Variants in SUCLA2 observed in about 807,000 individuals in gnomAD.
The protein encoded by SUCLA2 is succinate--CoA ligase [ADP-forming] subunit beta, mitochondrial.
A neutral mutation model predicts 54.8 loss-of-function variants in SUCLA2; 30 were observed. The observed-to-expected ratio is 0.55, with a 90% CI of 0.41 to 0.74. The LOEUF is 0.74. Among genes scored for constraint, SUCLA2 ranks in the 30% least tolerant of loss-of-function variants. The pLI, the probability that SUCLA2 is intolerant of heterozygous loss-of-function variation, is 0.00. For missense variants in SUCLA2, 476 were observed against 562.9 expected (o/e 0.85, Z 1.56); for synonymous variants, 172 against 188.9 (o/e 0.91, Z 0.74).
intron 10 of SUCLA2, among the ~76,000 whole-genome samples, chr13:47,943,951 A>C (rs915455127): frequency 6.6e-6 from 1 of 152,020 alleles, no homozygotes; most frequent in Non-Finnish European, 1.5e-5. Flanking sequence ...TTTTGTCAGT[A>C]AGTTAACAAT....
chr13:47,990,078 T>C (rs546435209), intron 2 of SUCLA2, among the ~76,000 whole-genome samples: 1 of 152,300 alleles, frequency 6.6e-6, no homozygotes, highest in South Asian at 2.1e-4. Context: ...CCCGGTGCGG[T>C]GGCTCACTCC....
chr13:47,943,721 G>A (rs1363047314), intron 10 of SUCLA2, among the ~76,000 whole-genome samples: 2 of 147,828 alleles, frequency 1.4e-5, no homozygotes, highest in Admixed American at 1.4e-4. Flanking sequence ...TTATATATGT[G>A]TGTATAAAAT....
intron 2 of SUCLA2, among the ~76,000 whole-genome samples, chr13:47,990,731 C>G (rs1950143461): frequency 6.6e-6 from 1 of 152,106 alleles, no homozygotes. Context: ...ACTAGGATGT[C>G]ACTCCACGAT....
intron 6 of SUCLA2, among the ~76,000 whole-genome samples, chr13:47,961,514 G>T (rs1208239224): frequency 2.0e-5 from 2 of 100,166 alleles, no homozygotes; most frequent in African/African-American, 3.1e-5. Flanking sequence ...CAGTCTTTTT[G>T]ACCTCAAACT....
At chr13:48,000,948 G>A in intron 1 of SUCLA2, 4 of 1,401,076 alleles carry the variant, frequency 2.9e-6, no homozygotes, top group Non-Finnish European at 3.7e-6. Context: ...AGCAGCCACG[G>A]CCGGGCCGCC....
At chr13:47,971,737 A>G (rs1822727029) in intron 5 of SUCLA2, 1 of 394,606 alleles carries the variant, frequency 2.5e-6, no homozygotes, top group African/African-American at 2.1e-5. Context: ...TATATAAGAC[A>G]GTGTCCCATC....
At chr13:47,989,441 GACCTCATGATCTGCCC>G (rs1950133520) in intron 2 of SUCLA2, among the ~76,000 whole-genome samples, 1 of 152,088 alleles carries the variant, frequency 6.6e-6, no homozygotes, top group Non-Finnish European at 1.5e-5. Context: ...TCGATCTCCT[GACCTCATGATCTGCCC>G]ACCTCGGCCT....
intron 8 of SUCLA2, among the ~76,000 whole-genome samples, chr13:47,952,447 T>C (rs1014608458): frequency 1.4e-4 from 21 of 152,082 alleles, no homozygotes; most frequent in African/African-American, 4.8e-4. Context: ...CTACTAGATA[T>C]AGTCACCACA....
intron 1 of SUCLA2, 118 bp from the exon 2 acceptor site, chr13:47,997,141 T>A: frequency 9.6e-7 from 1 of 1,036,942 alleles, no homozygotes; most frequent in Non-Finnish European, 1.5e-6. Context: ...AGTACAATAT[T>A]CAGAGTACCT....
At chr13:47,953,535 T>C (rs756346876) in intron 8 of SUCLA2, among the ~76,000 whole-genome samples, 6 of 152,290 alleles carry the variant, frequency 3.9e-5, no homozygotes, top group African/African-American at 1.4e-4. Context: ...GGAAAAGGCA[T>C]TGAAATAAAT....
At chr13:47,979,896 A>T (rs1289626119) in intron 4 of SUCLA2, among the ~76,000 whole-genome samples, 2 of 152,056 alleles carry the variant, frequency 1.3e-5, no homozygotes, top group Admixed American at 1.3e-4. Flanking sequence ...GCACACACAC[A>T]AAAAAAACTC....
chr13:47,947,745 A>AGGCAGAGAACACAGAGAG (rs908519567), intron 10 of SUCLA2, among the ~76,000 whole-genome samples: 1 of 152,218 alleles, frequency 6.6e-6, no homozygotes, highest in Non-Finnish European at 1.5e-5. Context: ...GAAATACACA[A>AGGCAGAGAACACAGAGAG]GGCAGAGAAC....
chr13:47,963,262 T>A (rs1383477629), intron 6 of SUCLA2, among the ~76,000 whole-genome samples: 1 of 152,170 alleles, frequency 6.6e-6, no homozygotes, highest in East Asian at 1.9e-4. Context: ...AAGAAAATTA[T>A]AAACATAGAA....
chr13:47,965,787 G>C, intron 6 of SUCLA2: 1 of 390,162 alleles, frequency 2.6e-6, no homozygotes, highest in Non-Finnish European at 4.5e-6. Flanking sequence ...CTTGGCTTGC[G>C]CCTGTAATCC....
rs1949803166 is a variant in SUCLA2, at chr13:47,954,481, G to C, written c.879C>G (p.Asp293Glu). 1.2e-6 allele frequency: 2 copies of C among 1,613,884 alleles called. No homozygotes were observed. Residue 293 changes from aspartate to glutamate, a missense_variant, in exon 7 of 11, where the codon GAC becomes GAG. By Grantham distance (45) the Asp-to-Glu change is conservative. This residue lies in a region of SUCLA2 where 342 missense variants were observed against 444.2 expected (regional missense o/e 0.77). Coordinates refer to ENST00000646932, the MANE Select transcript of SUCLA2 (RefSeq NM_003850.3). ...YRQKKIFDLQ[D>E]WTQEDERDKD... Reference sequence around the variant, plus strand: ...TGTCCCTTTCATCTTCCTGGGTCCAGTCCTGTAGATCAAAGATTTTCTTTT... The same window carrying C: ...TGTCCCTTTCATCTTCCTGGGTCCACTCCTGTAGATCAAAGATTTTCTTTT...
rs377104958 is a variant in SUCLA2, at chr13:47,988,763, C to A, written c.372-60G>T. 1.9e-5 allele frequency: 30 copies of A among 1,604,558 alleles called. No individual in the cohort carries two copies. In the African/African-American group the frequency reaches 3.6e-4, roughly 19 times the overall value. ...CTCCAGTTGAGAAAAAGCAAATCCA[C>A]ATAATAGCCAAAATTTTATCTCATC... On this transcript the variant is annotated intron_variant, in intron 3 of 10. Transcript: ENST00000646932.
At chr13:47,960,597 C>T (rs188166945) in intron 6 of SUCLA2, among the ~76,000 whole-genome samples, 43 of 152,010 alleles carry the variant, frequency 2.8e-4, no homozygotes, top group African/African-American at 8.0e-4. Flanking sequence ...TCAGAAAAGA[C>T]GGGCCCTGTC....
intron 2 of SUCLA2, among the ~76,000 whole-genome samples, chr13:47,989,472 A>G (rs1384303237): frequency 2.0e-5 from 3 of 152,066 alleles, no homozygotes; most frequent in Non-Finnish European, 2.9e-5. Flanking sequence ...CGGCCTCCCA[A>G]AGTGCTGGGA....
intron 5 of SUCLA2, among the ~76,000 whole-genome samples, chr13:47,972,388 G>A (rs1949974211): frequency 6.6e-6 from 1 of 151,318 alleles, no homozygotes; most frequent in South Asian, 2.1e-4. Flanking sequence ...ATTATTGTTG[G>A]CTGGGCGCGC....
Sources: gnomAD v4.1 joint callset for allele counts (sites outside exome capture counted in the v4.1 genomes callset) on GRCh38, gnomAD v4.1.1 for gene constraint, gnomAD v4.1.1 regional missense constraint, MANE v1.5 for transcripts, NCBI Gene and HGNC (gene_info 2026-07-23, HGNC 2026-07-21) for gene names.